GGACT: variants seen among roughly 807,000 people sequenced by gnomAD.
GGACT encodes the protein gamma-glutamylamine cyclotransferase.
For missense variants in GGACT, 241 were observed against 233.2 expected (o/e 1.03, Z -0.22); for synonymous variants, 118 against 115.3 (o/e 1.02, Z -0.15).
intron 1 of GGACT, among the ~76,000 whole-genome samples, chr13:100,584,720 G>A (rs1300395285): frequency 6.6e-6 from 1 of 152,054 alleles, no homozygotes; most frequent in Non-Finnish European, 1.5e-5. Context: ...CATATACCTT[G>A]TAATGAGGGT....
chr13:100,539,904 C>G, intron 2 of GGACT: 1 of 1,305,102 alleles, frequency 7.7e-7, no homozygotes, highest in Non-Finnish European at 1.1e-6. Context: ...CAGCTCCTTA[C>G]ATGGGCTTTG....
intron 2 of GGACT, among the ~76,000 whole-genome samples, chr13:100,553,064 C>A (rs975514290): frequency 6.6e-6 from 1 of 152,050 alleles, no homozygotes; most frequent in African/African-American, 2.4e-5. Context: ...GCAGGCAGGG[C>A]GAGGCAGGGC....
At chr13:100,581,599 A>G (rs1408918088) in intron 2 of GGACT, among the ~76,000 whole-genome samples, 2 of 152,230 alleles carry the variant, frequency 1.3e-5, no homozygotes, top group Non-Finnish European at 2.9e-5. Context: ...TCCAAATAAC[A>G]TATGTAGACA....
At chr13:100,566,449 GCTTCCAGGTTA>G in intron 2 of GGACT, among the ~76,000 whole-genome samples, 1 of 152,194 alleles carries the variant, frequency 6.6e-6, no homozygotes. Flanking sequence ...TCCTCCTTGT[GCTTCCAGGTTA>G]CTTCAAACAC....
intron 1 of GGACT, among the ~76,000 whole-genome samples, chr13:100,584,952 T>C (rs2153017629): frequency 6.6e-6 from 1 of 152,330 alleles, no homozygotes; most frequent in Admixed American, 6.5e-5. Context: ...GATTCTTTGA[T>C]GAGGGTTTCC....
chr13:100,581,622 G>C (rs1875419658), intron 2 of GGACT, among the ~76,000 whole-genome samples: 1 of 152,208 alleles, frequency 6.6e-6, no homozygotes, highest in Non-Finnish European at 1.5e-5. Context: ...TTCCCCTTAA[G>C]GAGATGAAGC....
intron 2 of GGACT, among the ~76,000 whole-genome samples, chr13:100,555,091 G>C (rs1444575139): frequency 1.3e-5 from 2 of 152,262 alleles, no homozygotes; most frequent in Admixed American, 6.5e-5. Flanking sequence ...GAAATCTATT[G>C]AACACTTAAG....
intron 2 of GGACT, among the ~76,000 whole-genome samples, chr13:100,571,206 G>A (rs1212968770): frequency 1.3e-5 from 2 of 152,216 alleles, no homozygotes; most frequent in African/African-American, 2.4e-5. Flanking sequence ...CACATGAGAA[G>A]CACACTTTTG....
intron 2 of GGACT, among the ~76,000 whole-genome samples, chr13:100,556,798 C>CAAAAATTAAA (rs1040342700): frequency 7.9e-5 from 12 of 151,918 alleles, no homozygotes; most frequent in Non-Finnish European, 1.6e-4. Flanking sequence ...TATGTACCCA[C>CAAAAATTAAA]AAAAATTAAA....
intron 2 of GGACT, among the ~76,000 whole-genome samples, chr13:100,576,811 CT>C (rs1017878191): frequency 6.6e-6 from 1 of 152,136 alleles, no homozygotes; most frequent in African/African-American, 2.4e-5. Context: ...TGTTTCCTGG[CT>C]TTTTGGTGAT....
At chr13:100,569,811 C>T (rs1426988030) in intron 2 of GGACT, among the ~76,000 whole-genome samples, 3 of 152,208 alleles carry the variant, frequency 2.0e-5, no homozygotes, top group Non-Finnish European at 4.4e-5. Context: ...CTTCTACCAC[C>T]AGATACCCTA....
At chr13:100,535,131 AG>A (rs1219804469) in intron 2 of GGACT, among the ~76,000 whole-genome samples, 1 of 152,240 alleles carries the variant, frequency 6.6e-6, no homozygotes, top group Admixed American at 6.5e-5. Context: ...CCAGCCGGGC[AG>A]GGCCGTAGTC....
chr13:100,579,805 T>C (rs909616657), intron 2 of GGACT, among the ~76,000 whole-genome samples: 1 of 152,254 alleles, frequency 6.6e-6, no homozygotes, highest in African/African-American at 2.4e-5. Context: ...TCCTATGTCA[T>C]TTAAAACTAT....
At chr13:100,550,333 CACACACACACACACACACA>C (rs1594188327) in intron 2 of GGACT, among the ~76,000 whole-genome samples, 3 of 135,224 alleles carry the variant, frequency 2.2e-5, no homozygotes, top group Admixed American at 7.2e-5. Context: ...CACACACACA[CACACACACACACACACACA>C]CACCACTGGC....
At chr13:100,532,707 T>A in intron 2 of GGACT, 106 bp from the exon 3 acceptor site, 1 of 815,288 alleles carries the variant, frequency 1.2e-6, no homozygotes, top group Non-Finnish European at 1.9e-6. Context: ...CCGCACCACC[T>A]GAATGCGCCT....
chr13:100,532,624 A>C, intron 2 of GGACT, 23 bp from the exon 3 acceptor site: 1 of 1,499,870 alleles, frequency 6.7e-7, no homozygotes, highest in African/African-American at 1.4e-5. Flanking sequence ...GGGAAGTCAC[A>C]GGTCAGCCCG....
chr13:100,542,949 T>C (rs2088568106), intron 2 of GGACT, among the ~76,000 whole-genome samples: 1 of 152,192 alleles, frequency 6.6e-6, no homozygotes, highest in South Asian at 2.1e-4. Context: ...AACTTGAAAG[T>C]GATTACGAGT....
At chr13:100,573,486 A>G (rs1348219379) in intron 2 of GGACT, among the ~76,000 whole-genome samples, 1 of 152,078 alleles carries the variant, frequency 6.6e-6, no homozygotes, top group Non-Finnish European at 1.5e-5. Context: ...TCCAATCCCA[A>G]CAGATGTAAT....
intron 2 of GGACT, among the ~76,000 whole-genome samples, chr13:100,557,911 C>T (rs985012836): frequency 2.6e-5 from 4 of 152,134 alleles, no homozygotes; most frequent in Non-Finnish European, 4.4e-5. Context: ...AGGCTGGGCA[C>T]GGTGGCTCAT....
Sources: gnomAD v4.1 joint callset for allele counts (sites outside exome capture counted in the v4.1 genomes callset) on GRCh38, gnomAD v4.1.1 for gene constraint, MANE v1.5 for transcripts, NCBI Gene and HGNC (gene_info 2026-07-23, HGNC 2026-07-21) for gene names.